NMNAT2: variants seen among roughly 807,000 people sequenced by gnomAD.
The protein encoded by NMNAT2 is nicotinamide/nicotinic acid mononucleotide adenylyltransferase 2.
NMNAT2 carries 11 observed loss-of-function variants against 41.6 expected under a neutral mutation model. The observed-to-expected ratio is 0.26, with a 90% CI of 0.17 to 0.44. The LOEUF (loss-of-function observed/expected upper bound fraction) is 0.44, where lower values mean the gene tolerates loss of function less well. Among genes scored for constraint, NMNAT2 ranks in the 20% least tolerant of loss-of-function variants. The pLI, the probability that NMNAT2 is intolerant of heterozygous loss-of-function variation, is 1.00. For synonymous variants in NMNAT2, 148 were observed against 151.2 expected (o/e 0.98, Z 0.16); for missense variants, 288 against 407.7 (o/e 0.71, Z 2.53).
chr1:183,306,197 T>C (rs1259448135), intron 1 of NMNAT2, among the ~76,000 whole-genome samples: 1 of 152,116 alleles, frequency 6.6e-6, no homozygotes, highest in South Asian at 2.1e-4. Flanking sequence ...ACAAACTGTG[T>C]TGGTTGGTGC....
intron 7 of NMNAT2, among the ~76,000 whole-genome samples, chr1:183,279,657 G>C (rs1421987719): frequency 6.6e-6 from 1 of 152,154 alleles, no homozygotes; most frequent in Non-Finnish European, 1.5e-5. Flanking sequence ...GTGGTAAGCT[G>C]TCCCCTGCTG....
chr1:183,269,459 C>T (rs576327904), intron 8 of NMNAT2, among the ~76,000 whole-genome samples: 179 of 152,342 alleles, frequency 1.2e-3, no homozygotes, highest in Middle Eastern at 3.4e-3. Context: ...TCTGCAGGGC[C>T]ATCCTGAGAT....
At chr1:183,356,027 T>A (rs1011043740) in intron 1 of NMNAT2, among the ~76,000 whole-genome samples, 2 of 152,204 alleles carry the variant, frequency 1.3e-5, no homozygotes, top group Non-Finnish European at 2.9e-5. Context: ...AGGTGGGGCA[T>A]CTGTCACTCA....
chr1:183,386,152 G>A (rs921363461), intron 1 of NMNAT2, among the ~76,000 whole-genome samples: 11 of 151,884 alleles, frequency 7.2e-5, no homozygotes, highest in South Asian at 6.2e-4. Flanking sequence ...TTTTGTTACC[G>A]GAAGGACTAT....
intron 1 of NMNAT2, among the ~76,000 whole-genome samples, chr1:183,366,505 C>T (rs551671818): frequency 1.3e-5 from 2 of 152,318 alleles, no homozygotes; most frequent in South Asian, 2.1e-4. Flanking sequence ...AGTCTCAGTC[C>T]TTGACCTTGC....
intron 8 of NMNAT2, among the ~76,000 whole-genome samples, chr1:183,278,041 A>G (rs1661165344): frequency 6.6e-6 from 1 of 152,176 alleles, no homozygotes; most frequent in Non-Finnish European, 1.5e-5. Context: ...GGTGTCATTG[A>G]GCTCCTAAGT....
At chr1:183,412,387 C>T (rs1170425017) in intron 1 of NMNAT2, among the ~76,000 whole-genome samples, 1 of 152,186 alleles carries the variant, frequency 6.6e-6, no homozygotes, top group Non-Finnish European at 1.5e-5. Flanking sequence ...CCACGCCCGG[C>T]TAATTTTTTG....
chr1:183,382,877 C>T lies in NMNAT2; in HGVS notation c.85+35306G>A, dbSNP rs550185675. On this transcript the variant is annotated intron_variant, in intron 1 of 10. Transcript: ENST00000287713. ...AGTGCCTGCAGCTTTTCCAAGTGCA[C>T]GGAGCCTGGAGGATGGTGGCTGTCT... 6.6e-5 allele frequency among the ~76,000 whole-genome samples: 10 copies of T among 152,200 alleles called. No individual in the cohort carries two copies. In the East Asian group the frequency reaches 1.7e-3, roughly 27 times the overall value.
At chr1:183,329,067 G>A (rs1662526017) in intron 1 of NMNAT2, among the ~76,000 whole-genome samples, 1 of 152,106 alleles carries the variant, frequency 6.6e-6, no homozygotes, top group African/African-American at 2.4e-5. Context: ...AAAGATGAGA[G>A]ACAGACATAC....
chr1:183,342,043 C>A (rs1366076350), intron 1 of NMNAT2, among the ~76,000 whole-genome samples: 6 of 127,626 alleles, frequency 4.7e-5, no homozygotes, highest in African/African-American at 1.8e-4. Flanking sequence ...TTTTTTTTTA[C>A]CAACCCTTTG....
chr1:183,372,305 G>T (rs1256727376), intron 1 of NMNAT2, among the ~76,000 whole-genome samples: 2 of 152,132 alleles, frequency 1.3e-5, no homozygotes, highest in African/African-American at 4.8e-5. Context: ...ACACAGAAAA[G>T]AAACCGAGAA....
At chr1:183,366,768 C>T (rs1663422250) in intron 1 of NMNAT2, among the ~76,000 whole-genome samples, 1 of 152,074 alleles carries the variant, frequency 6.6e-6, no homozygotes. Context: ...CAATCTGGAA[C>T]ACAGATGACA....
chr1:183,295,087 T>C (rs1368618631), intron 1 of NMNAT2, among the ~76,000 whole-genome samples: 1 of 152,208 alleles, frequency 6.6e-6, no homozygotes, highest in African/African-American at 2.4e-5. Flanking sequence ...CACTGCCACC[T>C]CTACCTCCTG....
At chr1:183,262,042 C>A (rs1462008387) in intron 8 of NMNAT2, among the ~76,000 whole-genome samples, 1 of 152,092 alleles carries the variant, frequency 6.6e-6, no homozygotes, top group Non-Finnish European at 1.5e-5. Flanking sequence ...CTTCCCACCT[C>A]AGCCTCCCAA....
chr1:183,263,491 T>G (rs138417965), intron 8 of NMNAT2, among the ~76,000 whole-genome samples: 18 of 152,254 alleles, frequency 1.2e-4, no homozygotes, highest in Non-Finnish European at 1.9e-4. Context: ...CTTTAAACAT[T>G]TCCAAAGCCC....
chr1:183,366,287 C>A (rs891188394), intron 1 of NMNAT2, among the ~76,000 whole-genome samples: 2 of 152,224 alleles, frequency 1.3e-5, no homozygotes, highest in African/African-American at 2.4e-5. Context: ...CTCTGTGCCT[C>A]ATTTTCTTCC....
At chr1:183,340,413 C>T (rs1034864737) in intron 1 of NMNAT2, among the ~76,000 whole-genome samples, 1 of 151,808 alleles carries the variant, frequency 6.6e-6, no homozygotes, top group Non-Finnish European at 1.5e-5. Context: ...ATCTACACCT[C>T]CTGGGTTCAA....
intron 1 of NMNAT2, among the ~76,000 whole-genome samples, chr1:183,296,423 A>G (rs1156995947): frequency 6.6e-6 from 1 of 152,192 alleles, no homozygotes; most frequent in Admixed American, 6.5e-5. Context: ...TATTCCTACC[A>G]GGAATGAATG....
chr1:183,293,837 T>C (rs906443028), intron 1 of NMNAT2, 44 bp from the exon 2 acceptor site: 6 of 1,376,296 alleles, frequency 4.4e-6, no homozygotes, highest in African/African-American at 4.3e-5. Flanking sequence ...AGGAAAGGCA[T>C]GGATTAAAGG....
Sources: allele counts gnomAD v4.1 joint callset (sites outside exome capture counted in the v4.1 genomes callset), GRCh38; gene constraint gnomAD v4.1.1; transcripts MANE v1.5; gene names NCBI Gene and HGNC (gene_info 2026-07-23, HGNC 2026-07-21).